Variants in CCDC7 observed in about 807,000 individuals in gnomAD.
CCDC7 encodes coiled-coil domain containing 7, also known as coiled-coil domain-containing protein 7.
Under a neutral mutation model 196.9 loss-of-function variants are expected in CCDC7, and 183 were observed. The observed-to-expected ratio is 0.93, with a 90% CI of 0.82 to 1.05. CCDC7 has a LOEUF of 1.05. Ranked by LOEUF, CCDC7 falls within the 50% of genes least tolerant of loss-of-function variation. The pLI, the probability that CCDC7 is intolerant of heterozygous loss-of-function variation, is 0.00. For missense variants in CCDC7, 1,540 were observed against 1,482.2 expected, an observed-to-expected ratio of 1.04 and a Z score of -0.64; for synonymous variants, 525 against 484.6, an observed-to-expected ratio of 1.08 and a Z score of -1.10.
At chr10:32,487,431 C>T (rs570492235) in intron 8 of CCDC7, among the ~76,000 whole-genome samples, 1 of 152,152 alleles carries the variant, frequency 6.6e-6, no homozygotes, top group African/African-American at 2.4e-5. Context: ...TGGGTTTGAA[C>T]TTCCTTTTTT....
At chr10:32,795,374 A>G (rs2083390574) in intron 29 of CCDC7, among the ~76,000 whole-genome samples, 2 of 152,106 alleles carry the variant, frequency 1.3e-5, no homozygotes, top group South Asian at 4.1e-4. Flanking sequence ...AAAATTTTTC[A>G]GTTAAGCAAA....
At chr10:32,667,059 A>G (rs966655821) in intron 21 of CCDC7, among the ~76,000 whole-genome samples, 9 of 152,086 alleles carry the variant, frequency 5.9e-5, no homozygotes, top group Non-Finnish European at 1.2e-4. Context: ...CTTTTTAATG[A>G]TCACCATTCT....
intron 32 of CCDC7, among the ~76,000 whole-genome samples, chr10:32,824,813 A>G (rs574466583): frequency 6.6e-6 from 1 of 152,358 alleles, no homozygotes; most frequent in South Asian, 2.1e-4. Context: ...TATCCATAAA[A>G]GTCTAATGCT....
rs141064252 is a variant in CCDC7, at chr10:32,743,580, G to T, written c.2905+14123G>T. On this transcript the variant is annotated intron_variant, in intron 28 of 41. Transcript: ENST00000639629. ...TTAGTCCATTGTGGAAGACAGTGTG[G>T]TGATTCCTCAAGGATCTAGAACTAG... Among the ~76,000 whole-genome samples the T allele has an allele frequency of 3.8e-3, 586 of 152,238 alleles. 1 individual carries two copies. Among genetic ancestry groups the T allele is most frequent in the Non-Finnish European group, 6.5e-3 (445 of 68,014 alleles).
chr10:32,748,069 G>A (rs2075087427), intron 28 of CCDC7, among the ~76,000 whole-genome samples: 1 of 152,182 alleles, frequency 6.6e-6, no homozygotes, highest in East Asian at 1.9e-4. Context: ...CAGCAACATG[G>A]ACAGAGCTAG....
chr10:32,789,297 T>C (rs1565507514), intron 29 of CCDC7, among the ~76,000 whole-genome samples: 1 of 151,914 alleles, frequency 6.6e-6, no homozygotes, highest in East Asian at 1.9e-4. Flanking sequence ...AAGTTCAAAA[T>C]AATCTTAAGG....
At chr10:32,618,285 T>C in intron 18 of CCDC7, among the ~76,000 whole-genome samples, 1 of 152,078 alleles carries the variant, frequency 6.6e-6, no homozygotes, top group Middle Eastern at 3.4e-3. Flanking sequence ...TTTAAATTGT[T>C]TTAAATTTTT....
intron 21 of CCDC7, among the ~76,000 whole-genome samples, chr10:32,669,916 C>A (rs1309784208): frequency 2.0e-5 from 3 of 152,074 alleles, no homozygotes; most frequent in Non-Finnish European, 4.4e-5. Flanking sequence ...TCTTTCTTCT[C>A]AGTAAAATTA....
intron 26 of CCDC7, among the ~76,000 whole-genome samples, chr10:32,728,216 C>G (rs754100843): frequency 6.6e-6 from 1 of 152,110 alleles, no homozygotes; most frequent in African/African-American, 2.4e-5. Flanking sequence ...ACATAATGTT[C>G]TAAGGTGCCT....
At chr10:32,779,712 C>T (rs1278140560) in intron 29 of CCDC7, among the ~76,000 whole-genome samples, 3 of 152,148 alleles carry the variant, frequency 2.0e-5, no homozygotes, top group Non-Finnish European at 2.9e-5. Context: ...ACTCTCATTC[C>T]CTGACAGAAA....
intron 24 of CCDC7, among the ~76,000 whole-genome samples, chr10:32,702,828 G>A (rs1188879017): frequency 6.6e-6 from 1 of 152,118 alleles, no homozygotes; most frequent in Admixed American, 6.5e-5. Flanking sequence ...TCCAAGACTA[G>A]GATTGCAACC....
chr10:32,686,067 G>A (rs1321126163), exon 22 of CCDC7: 5 of 1,458,874 alleles, frequency 3.4e-6, no homozygotes, highest in African/African-American at 2.8e-5. Context: ...CTTCTACAGA[G>A]CAACCACTCA....
intron 41 of CCDC7, among the ~76,000 whole-genome samples, chr10:32,871,464 T>A (rs1283166936): frequency 6.6e-6 from 1 of 151,486 alleles, no homozygotes; most frequent in Non-Finnish European, 1.5e-5. Flanking sequence ...TATCATTTTT[T>A]ATTGCGTCTA....
intron 11 of CCDC7, among the ~76,000 whole-genome samples, chr10:32,529,740 T>C (rs988434660): frequency 2.6e-5 from 4 of 152,210 alleles, no homozygotes; most frequent in Non-Finnish European, 5.9e-5. Context: ...ACTCTGTTGA[T>C]TGTTTCTTTT....
chr10:32,473,978 G>A lies in CCDC7; in HGVS notation c.751G>A (p.Ala251Thr), dbSNP rs750705104. Residue 251 changes from alanine (A) to threonine (T), a missense_variant, in exon 8 of 42, where the codon GCC becomes ACC. Physicochemically the swap from Ala to Thr is moderately conservative, Grantham distance 58. Coordinates refer to ENST00000639629, the Ensembl canonical transcript of CCDC7. ...CACTTTTACTTCAGAATTCTTAGAAGCCCACTCAACTGATGAATTTAAAGA... is the reference window on the plus strand; with the variant it reads ...CACTTTTACTTCAGAATTCTTAGAAACCCACTCAACTGATGAATTTAAAGA... 4 of 1,609,264 alleles carry A rather than the reference G, an allele frequency of 2.5e-6. No individual in the cohort carries two copies. The Admixed American group carries it at 6.7e-5, about 27-fold the overall frequency.
chr10:32,518,200 T>C (rs1341363926), intron 10 of CCDC7, among the ~76,000 whole-genome samples: 1 of 151,920 alleles, frequency 6.6e-6, no homozygotes, highest in Non-Finnish European at 1.5e-5. Flanking sequence ...TAAACTATAA[T>C]ATCCTACAGT....
intron 39 of CCDC7, among the ~76,000 whole-genome samples, 194 bp from the exon 41 acceptor site, chr10:32,851,613 G>T (rs1358405533): frequency 1.3e-5 from 2 of 152,020 alleles, no homozygotes; most frequent in African/African-American, 4.8e-5. Context: ...TTTCTATCTG[G>T]ATGACCTGTC....
At chr10:32,712,301 C>G (rs1043028869) in intron 25 of CCDC7, among the ~76,000 whole-genome samples, 1 of 152,102 alleles carries the variant, frequency 6.6e-6, no homozygotes, top group Non-Finnish European at 1.5e-5. Context: ...TTTTACTTTT[C>G]GAGTCAGAGC....
At chr10:32,652,821 A>G (rs190266356) in intron 20 of CCDC7, among the ~76,000 whole-genome samples, 20 of 152,336 alleles carry the variant, frequency 1.3e-4, no homozygotes, top group Admixed American at 1.1e-3. Flanking sequence ...AACTAAATAT[A>G]TGAGTCCTTT....
Sources: gnomAD v4.1 joint callset for allele counts (sites outside exome capture counted in the v4.1 genomes callset) on GRCh38, gnomAD v4.1.1 for gene constraint, MANE v1.5 for transcripts, NCBI Gene and HGNC (gene_info 2026-07-23, HGNC 2026-07-21) for gene names.